PDE1C: variants seen among roughly 807,000 people sequenced by gnomAD.
PDE1C encodes the protein phosphodiesterase 1C.
PDE1C carries 62 observed loss-of-function variants against 93.1 expected under a neutral mutation model. That is an observed-to-expected ratio of 0.67 (90% CI 0.54 to 0.82). The LOEUF (loss-of-function observed/expected upper bound fraction) is 0.82. PDE1C is among the 40% of genes least tolerant of loss of function. The pLI, the probability that PDE1C is intolerant of heterozygous loss-of-function variation, is 0.00. For missense variants in PDE1C, 742 were observed against 884.6 expected, an observed-to-expected ratio of 0.84 and a Z score of 2.04; for synonymous variants, 325 against 310.1, an observed-to-expected ratio of 1.05 and a Z score of -0.50.
intron 2 of PDE1C, among the ~76,000 whole-genome samples, chr7:31,922,561 C>A (rs192082738): frequency 2.0e-5 from 3 of 152,170 alleles, no homozygotes; most frequent in Non-Finnish European, 4.4e-5. Context: ...AATCTATGCA[C>A]AAGCCATCAT....
chr7:32,241,281 A>G (rs1808524402), intron 1 of PDE1C, among the ~76,000 whole-genome samples: 1 of 152,222 alleles, frequency 6.6e-6, no homozygotes, highest in African/African-American at 2.4e-5. Context: ...AAGCCACCCA[A>G]GGAATTAACC....
chr7:32,106,947 T>A (rs1584773309), intron 3 of PDE1C, among the ~76,000 whole-genome samples: 12 of 128,268 alleles, frequency 9.4e-5, no homozygotes, highest in South Asian at 2.4e-4. Flanking sequence ...TATACAAAAA[T>A]AGATGGATAA....
chr7:31,942,616 C>A (rs1380558381), intron 2 of PDE1C, among the ~76,000 whole-genome samples: 2 of 152,152 alleles, frequency 1.3e-5, no homozygotes, highest in African/African-American at 4.8e-5. Flanking sequence ...AAATCTAAGA[C>A]AGTAACTGCA....
At chr7:31,719,767 T>C in the PDE1C span, among the ~76,000 whole-genome samples, 1 of 152,338 alleles carries the variant, frequency 6.6e-6, no homozygotes, top group East Asian at 1.9e-4. Flanking sequence ...TCAATATTCG[T>C]TGCCTAAAGC....
the PDE1C span, chr7:31,651,103 G>C: frequency 6.2e-7 from 1 of 1,600,586 alleles, no homozygotes; most frequent in Non-Finnish European, 8.5e-7. Flanking sequence ...CAGAGGATCA[G>C]AGAGGACTTT....
chr7:31,972,083 G>A (rs753596748), intron 2 of PDE1C, among the ~76,000 whole-genome samples: 3 of 152,070 alleles, frequency 2.0e-5, no homozygotes, highest in East Asian at 1.9e-4. Flanking sequence ...TCATACACTC[G>A]TAAATGAAGG....
At chr7:32,127,583 G>T (rs1286565031) in intron 3 of PDE1C, among the ~76,000 whole-genome samples, 2 of 151,978 alleles carry the variant, frequency 1.3e-5, no homozygotes, top group African/African-American at 4.8e-5. Flanking sequence ...GGAAAAGAAA[G>T]TAACAAATTA....
chr7:31,916,341 G>A (rs935812001), intron 2 of PDE1C, among the ~76,000 whole-genome samples: 1 of 152,118 alleles, frequency 6.6e-6, no homozygotes, highest in Non-Finnish European at 1.5e-5. Context: ...AAATAAAATT[G>A]AATTACTGAG....
chr7:31,974,861 T>C (rs1811441646), intron 2 of PDE1C, among the ~76,000 whole-genome samples: 1 of 152,236 alleles, frequency 6.6e-6, no homozygotes, highest in Non-Finnish European at 1.5e-5. Flanking sequence ...TACAGAGGTA[T>C]ACAGTTCTCA....
chr7:31,686,590 ACC>A, the PDE1C span: 2 of 151,932 alleles, frequency 1.3e-5, no homozygotes, highest in African/African-American at 4.8e-5. Flanking sequence ...CCCCATTCAA[ACC>A]CTAGCTTCAC....
At chr7:31,822,979 C>T (rs1789163937) in intron 14 of PDE1C, 94 bp downstream of exon 14, 2 of 1,022,392 alleles carry the variant, frequency 2.0e-6, no homozygotes, top group Non-Finnish European at 2.8e-6. Context: ...AATCTGCATC[C>T]TGAGCAACTG....
At position 31,831,510 on chromosome 7, in the gene PDE1C, A is replaced by G. The variant is rs113871020; in HGVS notation, c.1204-3137T>C. 6.3e-3 allele frequency among the ~76,000 whole-genome samples: 957 copies of G among 151,960 alleles called. 4 individuals are homozygous for G. The highest frequency in any genetic ancestry group is 0.022 in the African/African-American group (897 of 41,474). On this transcript the variant is annotated intron_variant, in intron 11 of 17. Coordinates refer to ENST00000396191, the MANE Select transcript of PDE1C (RefSeq NM_001191057.4). The stretch of plus-strand genomic sequence containing the variant: ...CACACACATGCACGCACACACACAC[A>G]CACACACACGCACATACACACCGCT...
intron 2 of PDE1C, among the ~76,000 whole-genome samples, chr7:31,907,834 C>T (rs1800781499): frequency 6.6e-6 from 1 of 151,684 alleles, no homozygotes; most frequent in African/African-American, 2.4e-5. Flanking sequence ...GAGTAATTTA[C>T]TTTCAGTGTT....
intron 3 of PDE1C, among the ~76,000 whole-genome samples, chr7:32,133,563 T>C (rs1236547485): frequency 6.6e-6 from 1 of 152,204 alleles, no homozygotes; most frequent in Non-Finnish European, 1.5e-5. Context: ...CCCAAATGTC[T>C]GGATGACCCC....
chr7:31,816,199 A>T, intron 14 of PDE1C, 45 bp from the exon 15 acceptor site: 1 of 1,569,332 alleles, frequency 6.4e-7, no homozygotes, highest in Non-Finnish European at 8.7e-7. Flanking sequence ...AGAGAAAAAG[A>T]GGTCATGCCG....
At chr7:31,740,743 T>G in the PDE1C span, among the ~76,000 whole-genome samples, 1 of 152,178 alleles carries the variant, frequency 6.6e-6, no homozygotes, top group Non-Finnish European at 1.5e-5. Context: ...CATGTACTAA[T>G]TGAGGAAAAA....
intron 1 of PDE1C, among the ~76,000 whole-genome samples, chr7:32,063,941 G>A (rs546068487): frequency 2.2e-4 from 34 of 151,982 alleles, no homozygotes; most frequent in African/African-American, 7.2e-4. Flanking sequence ...TGATATTTTC[G>A]TATCCCTTCT....
At chr7:31,651,139 C>T in the PDE1C span, 2 of 1,611,812 alleles carry the variant, frequency 1.2e-6, no homozygotes, top group Non-Finnish European at 1.7e-6. Context: ...TCATTGTTCT[C>T]AGTGCACAGT....
intron 2 of PDE1C, among the ~76,000 whole-genome samples, chr7:31,994,447 G>C (rs1159004064): frequency 6.6e-6 from 1 of 152,102 alleles, no homozygotes; most frequent in Non-Finnish European, 1.5e-5. Context: ...CTATCTATGA[G>C]CCGGATGACC....
Sources: allele counts gnomAD v4.1 joint callset (sites outside exome capture counted in the v4.1 genomes callset), GRCh38; gene constraint gnomAD v4.1.1; transcripts MANE v1.5; gene names NCBI Gene and HGNC (gene_info 2026-07-23, HGNC 2026-07-21).